RSBN1L: variants seen among roughly 807,000 people sequenced by gnomAD.
RSBN1L encodes round spermatid basic protein 1 like.
In RSBN1L, 30 loss-of-function variants were observed where a neutral mutation model predicts 67.7. The ratio of observed to expected loss-of-function variants is 0.44; its 90% confidence interval spans 0.33 to 0.60. The LOEUF is 0.60. Among genes scored for constraint, RSBN1L ranks in the 20% least tolerant of loss-of-function variants. The pLI, the probability that RSBN1L is intolerant of heterozygous loss-of-function variation, is 0.02. For missense variants in RSBN1L, 992 were observed against 1,031.7 expected (o/e 0.96, Z 0.53); for synonymous variants, 433 against 387.0 (o/e 1.12, Z -1.39).
chr7:77,701,168 AAACAAC>A (rs1207103569), intron 1 of RSBN1L, among the ~76,000 whole-genome samples: 66 of 135,696 alleles, frequency 4.9e-4, no homozygotes, highest in African/African-American at 7.5e-4. Flanking sequence ...AAAAAAAAAA[AAACAAC>A]AACAACAACA....
chr7:77,742,720 C>CCAGCTACT (rs1484383547), intron 2 of RSBN1L, among the ~76,000 whole-genome samples: 6 of 152,164 alleles, frequency 3.9e-5, no homozygotes, highest in Admixed American at 2.0e-4. Context: ...GCCTGTAATT[C>CCAGCTACT]CAGCTACTCA....
chr7:77,730,277 A>G (rs1791257144), intron 1 of RSBN1L, among the ~76,000 whole-genome samples: 4 of 152,124 alleles, frequency 2.6e-5, no homozygotes, highest in African/African-American at 9.7e-5. Flanking sequence ...TTCATAGCAA[A>G]ATTGAGCAGA....
At chr7:77,719,339 AGTCT>A (rs1249711578) in intron 1 of RSBN1L, among the ~76,000 whole-genome samples, 1 of 152,218 alleles carries the variant, frequency 6.6e-6, no homozygotes, top group African/African-American at 2.4e-5. Context: ...GTACAACGAG[AGTCT>A]GGTTCCCATA....
intron 3 of RSBN1L, among the ~76,000 whole-genome samples, chr7:77,763,931 A>G (rs1276925521): frequency 6.6e-6 from 1 of 152,258 alleles, no homozygotes; most frequent in Admixed American, 6.5e-5. Flanking sequence ...AATTTATTAA[A>G]GAATTAATGT....
At chr7:77,706,504 C>T (rs1009197483) in intron 1 of RSBN1L, among the ~76,000 whole-genome samples, 5 of 152,180 alleles carry the variant, frequency 3.3e-5, no homozygotes, top group African/African-American at 1.2e-4. Flanking sequence ...AACCACTAGG[C>T]CTGGCCTTAA....
At position 77,778,849 on chromosome 7, in the gene RSBN1L, A is replaced by G; in HGVS notation, c.2222A>G (p.Asp741Gly). Residue 741 changes from aspartate to glycine, a missense_variant, in exon 8 of 8, where the codon GAT becomes GGT. This residue lies in a region of RSBN1L where 199 missense variants were observed against 167.7 expected (regional missense o/e 1.19). Transcript: ENST00000334955. Reference protein sequence around the residue: ...SKASLDSVFSDKLHSKYELQQ... With the variant: ...SKASLDSVFSGKLHSKYELQQ... ...GCCTCCTTGGATTCTGTTTTTTCAG[A>G]TAAACTTCATTCTAAATATGAATTA... 2 of 1,614,070 alleles carry G rather than the reference A, an allele frequency of 1.2e-6. No homozygotes were observed. Among genetic ancestry groups the G allele is most frequent in the Non-Finnish European group, 1.7e-6 (2 of 1,179,980 alleles).
chr7:77,766,302 A>G (rs1791765531), intron 4 of RSBN1L, among the ~76,000 whole-genome samples: 1 of 152,178 alleles, frequency 6.6e-6, no homozygotes, highest in Non-Finnish European at 1.5e-5. Context: ...CTCCCACGTC[A>G]GCCTCCCAAG....
intron 5 of RSBN1L, among the ~76,000 whole-genome samples, chr7:77,772,658 G>C (rs868563368): frequency 6.6e-6 from 1 of 152,326 alleles, no homozygotes; most frequent in Middle Eastern, 3.4e-3. Flanking sequence ...TCACTAGACA[G>C]ACTATAAACT....
chr7:77,742,769 G>A (rs573903427), intron 2 of RSBN1L, among the ~76,000 whole-genome samples: 5 of 152,240 alleles, frequency 3.3e-5, no homozygotes, highest in South Asian at 2.1e-4. Flanking sequence ...CCCAGGAGGC[G>A]GCGGAAGTTG....
rs1231688868 is a variant in RSBN1L at position 77,696,940 on chromosome 7, G to T, written c.471G>T (p.Ser157=). The part of the protein sequence containing the change: ...AAAAASANAK[S]RRPKEKREKE... ...CCGCTGCCTCGGCTAACGCCAAGTC[G>T]CGCAGACCTAAGGAGAAGCGGGAGA... The change falls in exon 1 of 8, where the codon TCG becomes TCT. Residue 157 remains serine, a synonymous_variant. Transcript: ENST00000334955. The T allele has an allele frequency of 6.3e-7, 1 of 1,597,722 alleles. No individual in the cohort carries two copies. Among genetic ancestry groups the T allele is most frequent in the Non-Finnish European group, 8.5e-7 (1 of 1,177,996 alleles).
At chr7:77,720,557 TA>T (rs879489484) in intron 1 of RSBN1L, among the ~76,000 whole-genome samples, 29 of 149,310 alleles carry the variant, frequency 1.9e-4, no homozygotes, top group African/African-American at 4.4e-4. Context: ...GAAACTCCGT[TA>T]AAAAAAAAAT....
chr7:77,697,585 G>A (rs543912331), intron 1 of RSBN1L, among the ~76,000 whole-genome samples: 26 of 152,238 alleles, frequency 1.7e-4, no homozygotes, highest in African/African-American at 5.5e-4. Flanking sequence ...ATGAGGTAGC[G>A]TGCAGGGCCC....
At chr7:77,763,364 G>A (rs1404840751) in intron 3 of RSBN1L, among the ~76,000 whole-genome samples, 1 of 151,978 alleles carries the variant, frequency 6.6e-6, no homozygotes, top group Admixed American at 6.6e-5. Flanking sequence ...TTTCTAAATG[G>A]TTATCGTCTC....
At chr7:77,739,367 T>C (rs1791378169) in intron 2 of RSBN1L, among the ~76,000 whole-genome samples, 1 of 152,110 alleles carries the variant, frequency 6.6e-6, no homozygotes, top group South Asian at 2.1e-4. Flanking sequence ...AAATCTAAAA[T>C]AGATGTCAAG....
At chr7:77,768,579 C>A in intron 4 of RSBN1L, 82 bp from the exon 5 acceptor site, 1 of 1,202,202 alleles carries the variant, frequency 8.3e-7, no homozygotes, top group Non-Finnish European at 1.2e-6. Context: ...GTGTGTTTGT[C>A]AGGGGAACAA....
intron 1 of RSBN1L, among the ~76,000 whole-genome samples, chr7:77,713,951 A>C (rs560544075): frequency 6.6e-6 from 1 of 152,366 alleles, no homozygotes; most frequent in South Asian, 2.1e-4. Flanking sequence ...TTAGGAATCC[A>C]AATTAATTTT....
chr7:77,704,989 A>AG lies in RSBN1L; in HGVS notation c.586+7935dup, dbSNP rs1790868008. On this transcript the variant is annotated intron_variant, in intron 1 of 7. Coordinates refer to ENST00000334955, the MANE Select transcript of RSBN1L (RefSeq NM_198467.3). The stretch of plus-strand genomic sequence containing the variant: ...AGTGAAACTGTCTCAAAAAAAAAAA[A>AG]GTTGTGTGTGTGTGTGTAAATGTAT... Among the ~76,000 whole-genome samples the AG allele has an allele frequency of 1.1e-4, 11 of 97,470 alleles. 1 individual carries two copies. Among genetic ancestry groups the AG allele is most frequent in the South Asian group, 3.2e-4 (1 of 3,128 alleles). The allele number at this position is 97,470 out of a possible 152,430, so 63.9% of individuals were successfully genotyped here.
At chr7:77,701,354 C>G (rs1311607485) in intron 1 of RSBN1L, among the ~76,000 whole-genome samples, 1 of 151,864 alleles carries the variant, frequency 6.6e-6, no homozygotes, top group South Asian at 2.1e-4. Context: ...TCATGCCTTC[C>G]TTTTGGTTTC....
intron 4 of RSBN1L, among the ~76,000 whole-genome samples, chr7:77,766,764 C>T (rs1053725360): frequency 3.9e-5 from 6 of 152,066 alleles, no homozygotes; most frequent in Non-Finnish European, 8.8e-5. Context: ...CTTCTGTTTG[C>T]TTGGTGTTTT....
Sources: gnomAD v4.1 joint callset for allele counts (sites outside exome capture counted in the v4.1 genomes callset) on GRCh38, gnomAD v4.1.1 for gene constraint, gnomAD v4.1.1 regional missense constraint, MANE v1.5 for transcripts, NCBI Gene and HGNC (gene_info 2026-07-23, HGNC 2026-07-21) for gene names.